Variants in MAGI2 observed in about 807,000 individuals in gnomAD.
The protein encoded by MAGI2 is membrane-associated guanylate kinase, WW and PDZ domain-containing protein 2.
In MAGI2, 35 loss-of-function variants were observed where a neutral mutation model predicts 133.3. The observed-to-expected ratio is 0.26, with a 90% CI of 0.20 to 0.35. The LOEUF is 0.35. MAGI2 is among the 10% of genes least tolerant of loss of function. MAGI2 has a pLI of 1.00. For missense variants in MAGI2, 1,636 were observed against 1,863.4 expected, an observed-to-expected ratio of 0.88 and a Z score of 2.25; for synonymous variants, 729 against 710.6, an observed-to-expected ratio of 1.03 and a Z score of -0.41.
chr7:79,128,724 A>G (rs1209445475), intron 1 of MAGI2, among the ~76,000 whole-genome samples: 1 of 152,250 alleles, frequency 6.6e-6, no homozygotes, highest in Non-Finnish European at 1.5e-5. Context: ...ATTTGTAATT[A>G]TATTTAAAAT....
chr7:79,247,985 A>G (rs1832942875), intron 1 of MAGI2, among the ~76,000 whole-genome samples: 1 of 152,198 alleles, frequency 6.6e-6, no homozygotes, highest in South Asian at 2.1e-4. Flanking sequence ...ACCAGGACAC[A>G]AATAACAAAA....
intron 3 of MAGI2, among the ~76,000 whole-genome samples, chr7:78,589,141 A>G (rs1473175508): frequency 2.0e-5 from 3 of 152,180 alleles, no homozygotes; most frequent in Non-Finnish European, 2.9e-5. Context: ...GTCTGGCCAT[A>G]AATGTTTTGA....
At chr7:78,516,048 G>T (rs532170505) in intron 4 of MAGI2, among the ~76,000 whole-genome samples, 1 of 152,288 alleles carries the variant, frequency 6.6e-6, no homozygotes, top group East Asian at 1.9e-4. Context: ...ATTCAGAGAT[G>T]ATCAGTTTTT....
intron 9 of MAGI2, among the ~76,000 whole-genome samples, chr7:78,326,709 C>T (rs1445778593): frequency 6.6e-6 from 1 of 152,170 alleles, no homozygotes; most frequent in African/African-American, 2.4e-5. Flanking sequence ...TCCTTTTCCC[C>T]ATTCCTTAAT....
rs560062505 is a variant in MAGI2, at chr7:78,490,455, G to A, written c.966-615C>T. ...CCTGCATTCTAATGTTTCTGAAATG[G>A]CATTTCCAGAAAGTAATGATAAAAT... On this transcript the variant is annotated intron_variant, in intron 5 of 21. Coordinates refer to ENST00000354212, the MANE Select transcript of MAGI2 (RefSeq NM_012301.4). Among the ~76,000 whole-genome samples, 6 of 152,126 alleles carry A rather than the reference G, an allele frequency of 3.9e-5. No individual in the cohort carries two copies. The South Asian group carries it at 1.2e-3, about 32-fold the overall frequency.
At chr7:78,418,112 C>T (rs559681245) in intron 6 of MAGI2, among the ~76,000 whole-genome samples, 4 of 152,222 alleles carry the variant, frequency 2.6e-5, no homozygotes, top group Non-Finnish European at 5.9e-5. Flanking sequence ...TATCATTGTG[C>T]CACTGCATTC....
At chr7:79,276,678 A>G (rs1277974860) in intron 1 of MAGI2, among the ~76,000 whole-genome samples, 1 of 152,200 alleles carries the variant, frequency 6.6e-6, no homozygotes, top group Non-Finnish European at 1.5e-5. Context: ...TGATTTAAAT[A>G]TTACATAATA....
chr7:78,148,009 A>G (rs1459124073), intron 16 of MAGI2, among the ~76,000 whole-genome samples: 1 of 152,182 alleles, frequency 6.6e-6, no homozygotes, highest in Non-Finnish European at 1.5e-5. Flanking sequence ...AATTGGTACC[A>G]TATGAATCAG....
At chr7:78,874,526 G>A (rs1795268524) in intron 2 of MAGI2, among the ~76,000 whole-genome samples, 1 of 152,200 alleles carries the variant, frequency 6.6e-6, no homozygotes, top group Non-Finnish European at 1.5e-5. Flanking sequence ...TTAAGTGAAA[G>A]CCAGGAACAG....
chr7:78,332,974 A>T (rs1189443796), intron 9 of MAGI2, among the ~76,000 whole-genome samples: 1 of 152,216 alleles, frequency 6.6e-6, no homozygotes, highest in Non-Finnish European at 1.5e-5. Flanking sequence ...TTTTAGAGAG[A>T]CCAAAATGTT....
At chr7:78,719,576 C>A (rs1433368120) in intron 2 of MAGI2, among the ~76,000 whole-genome samples, 1 of 152,208 alleles carries the variant, frequency 6.6e-6, no homozygotes, top group Non-Finnish European at 1.5e-5. Context: ...TATGCAGGAT[C>A]TTGCACGAAG....
At chr7:78,609,063 G>A (rs1432969977) in intron 3 of MAGI2, among the ~76,000 whole-genome samples, 1 of 152,164 alleles carries the variant, frequency 6.6e-6, no homozygotes, top group Non-Finnish European at 1.5e-5. Flanking sequence ...GATGTAGGCT[G>A]GAAGGCTAGG....
At chr7:78,211,254 A>AG (rs11438245) in intron 10 of MAGI2, among the ~76,000 whole-genome samples, 44,323 of 152,020 alleles carry the variant, frequency 0.29, 7,032 homozygotes, top group Admixed American at 0.35. Flanking sequence ...CCCCATGGGG[A>AG]GGGATGGGAC....
At chr7:79,292,197 T>A (rs1465892826) in intron 1 of MAGI2, among the ~76,000 whole-genome samples, 1 of 152,238 alleles carries the variant, frequency 6.6e-6, no homozygotes, top group African/African-American at 2.4e-5. Flanking sequence ...CAAAAACGAA[T>A]TTGCCATAAG....
At chr7:78,989,282 T>A (rs1805540758) in intron 2 of MAGI2, among the ~76,000 whole-genome samples, 1 of 152,046 alleles carries the variant, frequency 6.6e-6, no homozygotes, top group Admixed American at 6.6e-5. Flanking sequence ...TAACCACCCG[T>A]CATACTTTTA....
chr7:78,644,612 A>G (rs577306577), intron 2 of MAGI2, among the ~76,000 whole-genome samples: 4 of 152,180 alleles, frequency 2.6e-5, no homozygotes, highest in African/African-American at 9.6e-5. Context: ...CTAACTAAAA[A>G]CACAATATAT....
chr7:79,062,207 C>T (rs960649908), intron 1 of MAGI2, among the ~76,000 whole-genome samples: 1 of 152,056 alleles, frequency 6.6e-6, no homozygotes, highest in Non-Finnish European at 1.5e-5. Context: ...CCCATACCTA[C>T]GTCCATTATT....
intron 6 of MAGI2, among the ~76,000 whole-genome samples, chr7:78,425,481 G>A (rs1799196610): frequency 6.6e-6 from 1 of 152,324 alleles, no homozygotes; most frequent in South Asian, 2.1e-4. Flanking sequence ...TGAGGTCACA[G>A]AGATTATACA....
At chr7:79,322,268 T>C (rs764484727) in intron 1 of MAGI2, among the ~76,000 whole-genome samples, 2 of 152,172 alleles carry the variant, frequency 1.3e-5, no homozygotes, top group Non-Finnish European at 2.9e-5. Context: ...TTGTTAGTTA[T>C]AGAGACAAGA....
Sources: gnomAD v4.1 joint callset for allele counts (sites outside exome capture counted in the v4.1 genomes callset) on GRCh38, gnomAD v4.1.1 for gene constraint, MANE v1.5 for transcripts, NCBI Gene and HGNC (gene_info 2026-07-23, HGNC 2026-07-21) for gene names.